Variants in IMMP2L observed in about 807,000 individuals in gnomAD.
IMMP2L encodes inner mitochondrial membrane peptidase subunit 2.
Under a neutral mutation model 19.3 loss-of-function variants are expected in IMMP2L, and 18 were observed. The observed-to-expected ratio is 0.93, with a 90% CI of 0.64 to 1.38. IMMP2L has a LOEUF of 1.38. Ranked by LOEUF, IMMP2L falls within the 40% of genes most tolerant of loss-of-function variation. IMMP2L has a pLI of 0.00. For missense variants in IMMP2L, 233 were observed against 218.2 expected (o/e 1.07, Z -0.43); for synonymous variants, 76 against 73.0 (o/e 1.04, Z -0.21).
At chr7:110,971,391 C>T (rs141033935) in intron 3 of IMMP2L, among the ~76,000 whole-genome samples, 1 of 152,136 alleles carries the variant, frequency 6.6e-6, no homozygotes, top group African/African-American at 2.4e-5. Context: ...CGGATGGGAA[C>T]GGAGACACTT....
Position 111,562,272 on chromosome 7 carries a change from T to C in IMMP2L, c.-424A>G, listed in dbSNP as rs1323219036. Reference sequence around the variant, plus strand: ...CACGCGCACGCACACATGCTCGCGATCACGCAGGACTCGCGGCCGCGCACC... The same window carrying C: ...CACGCGCACGCACACATGCTCGCGACCACGCAGGACTCGCGGCCGCGCACC... On this transcript the variant is annotated 5_prime_UTR_variant, in exon 1 of 6. Transcript: ENST00000405709. The C allele has an allele frequency of 6.6e-6, 1 of 152,246 alleles. No homozygotes were observed. Among genetic ancestry groups the C allele is most frequent in the Non-Finnish European group, 1.5e-5 (1 of 68,194 alleles). The allele number at this position is 152,246 out of a possible 1,614,324, so 9.4% of individuals were successfully genotyped here.
chr7:110,766,462 C>T lies in IMMP2L; in HGVS notation c.409-102741G>A, dbSNP rs980048599. Among the ~76,000 whole-genome samples, 9 of 151,276 alleles carry T rather than the reference C, an allele frequency of 5.9e-5. No homozygotes were observed. The East Asian group carries it at 1.8e-3, about 30-fold the overall frequency. On this transcript the variant is annotated intron_variant, in intron 5 of 5. Coordinates refer to ENST00000405709, the MANE Select transcript of IMMP2L (RefSeq NM_032549.4). The stretch of plus-strand genomic sequence containing the variant: ...CATATATTAGCCGGGCGTGGTGATG[C>T]GCGCTTGTAATCCCAGTTACTTGGG...
At chr7:110,956,526 C>T (rs978249405) in intron 4 of IMMP2L, among the ~76,000 whole-genome samples, 1 of 151,970 alleles carries the variant, frequency 6.6e-6, no homozygotes, top group Non-Finnish European at 1.5e-5. Context: ...GATTACATTT[C>T]TTTAGTAGGG....
chr7:111,122,203 C>T (rs549246853), intron 3 of IMMP2L, among the ~76,000 whole-genome samples: 27 of 150,352 alleles, frequency 1.8e-4, no homozygotes, highest in African/African-American at 6.5e-4. Flanking sequence ...GCACATGTAC[C>T]CTAAAACTTA....
intron 4 of IMMP2L, among the ~76,000 whole-genome samples, chr7:110,947,795 T>C (rs1176422133): frequency 6.6e-6 from 1 of 152,184 alleles, no homozygotes; most frequent in Non-Finnish European, 1.5e-5. Context: ...CAGCGTGGGA[T>C]GCAGCAATTT....
intron 3 of IMMP2L, among the ~76,000 whole-genome samples, chr7:111,159,682 T>C: frequency 6.6e-6 from 1 of 152,114 alleles, no homozygotes. Flanking sequence ...CATGAAGAAA[T>C]GAACTCTTAG....
At chr7:110,963,605 A>C in intron 3 of IMMP2L, 40 bp from the exon 4 acceptor site, 1 of 1,275,520 alleles carries the variant, frequency 7.8e-7, no homozygotes, top group Non-Finnish European at 1.1e-6. Flanking sequence ...AGTTATGTCT[A>C]TGTTGTTTTA....
intron 3 of IMMP2L, among the ~76,000 whole-genome samples, chr7:111,138,744 C>T (rs1586523014): frequency 6.6e-6 from 1 of 152,182 alleles, no homozygotes; most frequent in South Asian, 2.1e-4. Flanking sequence ...CAGCTGAAGT[C>T]CTATTTGGTT....
At chr7:111,372,884 T>C (rs1365599154) in intron 3 of IMMP2L, among the ~76,000 whole-genome samples, 1 of 152,078 alleles carries the variant, frequency 6.6e-6, no homozygotes, top group Admixed American at 6.6e-5. Context: ...TCATTGATCA[T>C]GTTCTTGCAA....
chr7:110,882,292 C>CCTTCCTTACTTA (rs1423672094), intron 5 of IMMP2L, among the ~76,000 whole-genome samples: 1 of 57,734 alleles, frequency 1.7e-5, no homozygotes, highest in African/African-American at 5.9e-5. Flanking sequence ...CAAGTGCCTT[C>CCTTCCTTACTTA]CTTCCTTCCT....
In IMMP2L at chr7:110,670,401, G is replaced by A. The variant is rs577616020; in HGVS notation, c.409-6680C>T. Reference sequence around the variant, plus strand: ...TAATACACACATGAATTTAAAAAACGCTACGCAGCCGGGTGTGGTGGCTCA... The same window carrying A: ...TAATACACACATGAATTTAAAAAACACTACGCAGCCGGGTGTGGTGGCTCA... On this transcript the variant is annotated intron_variant, in intron 5 of 5. Coordinates refer to ENST00000405709, the MANE Select transcript of IMMP2L (RefSeq NM_032549.4). 3.9e-5 allele frequency among the ~76,000 whole-genome samples: 6 copies of A among 152,048 alleles called. No individual in the cohort carries two copies. In the South Asian group the frequency reaches 1.2e-3, roughly 32 times the overall value.
intron 3 of IMMP2L, among the ~76,000 whole-genome samples, chr7:111,304,341 T>G (rs1474994026): frequency 2.6e-5 from 4 of 152,006 alleles, no homozygotes; most frequent in African/African-American, 9.6e-5. Flanking sequence ...TTTTCCTATC[T>G]CTCAACAAAA....
chr7:111,045,497 T>C (rs976748111), intron 3 of IMMP2L, among the ~76,000 whole-genome samples: 4 of 152,208 alleles, frequency 2.6e-5, no homozygotes, highest in African/African-American at 9.6e-5. Context: ...TGTGGCTTTC[T>C]ACTGTACTTT....
At chr7:110,892,832 T>A (rs1810943517) in intron 4 of IMMP2L, among the ~76,000 whole-genome samples, 1 of 152,162 alleles carries the variant, frequency 6.6e-6, no homozygotes, top group Non-Finnish European at 1.5e-5. Context: ...AATTTAAAAA[T>A]CAACAGTCAC....
At chr7:111,007,590 T>G (rs1488109241) in intron 3 of IMMP2L, among the ~76,000 whole-genome samples, 3 of 152,118 alleles carry the variant, frequency 2.0e-5, no homozygotes, top group Non-Finnish European at 2.9e-5. Flanking sequence ...CTTTTTTTCA[T>G]GTACACTCAC....
intron 3 of IMMP2L, among the ~76,000 whole-genome samples, chr7:111,229,351 T>A (rs1448253940): frequency 6.6e-6 from 1 of 152,084 alleles, no homozygotes; most frequent in Non-Finnish European, 1.5e-5. Context: ...TATCCATTGA[T>A]ACAATCTGTA....
chr7:110,753,379 C>A (rs1797846189), intron 5 of IMMP2L, among the ~76,000 whole-genome samples: 1 of 151,962 alleles, frequency 6.6e-6, no homozygotes, highest in Admixed American at 6.6e-5. Context: ...TAATTCATAG[C>A]CAAGAAGTGG....
Position 111,318,297 on chromosome 7 carries a change from GC to G in IMMP2L, c.239+168940del, listed in dbSNP as rs1201715386. Among the ~76,000 whole-genome samples, 42 of 152,206 alleles carry G rather than the reference GC, an allele frequency of 2.8e-4. 1 individual carries two copies. The highest frequency in any genetic ancestry group is 9.6e-4 in the African/African-American group (40 of 41,536). On this transcript the variant is annotated intron_variant, in intron 3 of 5. Transcript: ENST00000405709. ...ATGCCTGGTTAATACAGATGTGGAA[GC>G]CAATGGAGAACTCAGGTTCCTTACA... is the stretch of plus-strand genomic sequence containing the variant.
intron 3 of IMMP2L, among the ~76,000 whole-genome samples, chr7:111,073,237 C>T (rs1007498636): frequency 1.3e-5 from 2 of 152,008 alleles, no homozygotes; most frequent in African/African-American, 4.8e-5. Flanking sequence ...TAAACACACT[C>T]ATATACAGCC....
Sources: allele counts gnomAD v4.1 joint callset (sites outside exome capture counted in the v4.1 genomes callset), GRCh38; gene constraint gnomAD v4.1.1; transcripts MANE v1.5; gene names NCBI Gene and HGNC (gene_info 2026-07-23, HGNC 2026-07-21).